Variants in MDC1 observed in about 807,000 individuals in gnomAD.
MDC1 encodes the protein mediator of DNA damage checkpoint 1.
MDC1 carries 81 observed loss-of-function variants against 142.5 expected under a neutral mutation model. That is an observed-to-expected ratio of 0.57 (90% CI 0.47 to 0.68). The LOEUF (loss-of-function observed/expected upper bound fraction) is 0.68. Among genes scored for constraint, MDC1 ranks in the 30% least tolerant of loss-of-function variants. MDC1 has a pLI of 0.00. For synonymous variants in MDC1, 797 were observed against 968.4 expected, an observed-to-expected ratio of 0.82 and a Z score of 3.29; for missense variants, 2,119 against 2,547.9, an observed-to-expected ratio of 0.83 and a Z score of 3.62.
chr6:30,715,155 A>G lies in MDC1; in HGVS notation c.21T>C (p.Ile7=). 6.2e-7 allele frequency: 1 copy of G among 1,614,154 alleles called. No individual in the cohort carries two copies. Among genetic ancestry groups the G allele is most frequent in the Non-Finnish European group, 8.5e-7 (1 of 1,180,006 alleles). MEDTQA[I]DWDVEEEEET... ...CCTCCTCTTCTTCAACATCCCAGTC[A>G]ATAGCCTGGGTGTCCTCCATGATCT... The change falls in exon 2 of 15, where the codon ATT becomes ATC. Residue 7 remains isoleucine (I), a synonymous_variant. Coordinates refer to ENST00000376406, the MANE Select transcript of MDC1 (RefSeq NM_014641.3). The surrounding 1 kb of genome is among the most constrained non-coding windows in gnomAD (Gnocchi z 4.1).
chr6:30,716,326 C>A lies in MDC1; in HGVS notation c.-4+919G>T, dbSNP rs961965690. On this transcript the variant is annotated intron_variant, in intron 1 of 14. Transcript: ENST00000376406. The surrounding 1 kb of genome is among the most constrained non-coding windows in gnomAD (Gnocchi z 4.4). ...GCAACCTCTGCCTCCAGGCTTCAAGCGATTCTCCTGCCTCAGCCTCCCGAG... is the reference window on the plus strand; with the variant it reads ...GCAACCTCTGCCTCCAGGCTTCAAGAGATTCTCCTGCCTCAGCCTCCCGAG... 1.6e-4 allele frequency among the ~76,000 whole-genome samples: 24 copies of A among 151,882 alleles called. No homozygotes were observed. Among genetic ancestry groups the A allele is most frequent in the African/African-American group, 5.3e-4 (22 of 41,310 alleles).
chr6:30,703,535 A>C lies in MDC1; in HGVS notation c.5565T>G (p.Asp1855Glu), dbSNP rs28994874. The C allele has an allele frequency of 0.016, 25,888 of 1,612,940 alleles. 376 individuals carry two copies. Among genetic ancestry groups the C allele is most frequent in the Middle Eastern group, 0.06 (366 of 6,062 alleles). ...TCTTGCCTGGTTTTGGAGTCACGAC[A>C]TCCTGAGATTGAGAAAAATCTTGGT... ...DTAEKPGKEE[D>E]VVTPKPGKRK... Residue 1855 changes from aspartate (D) to glutamate (E), a missense_variant and splice_region_variant, in exon 11 of 15, where the codon GAT becomes GAG. By Grantham distance (45) the Asp-to-Glu change is conservative. Coordinates refer to ENST00000376406, the MANE Select transcript of MDC1 (RefSeq NM_014641.3). The surrounding 1 kb of genome is among the most constrained non-coding windows in gnomAD (Gnocchi z 4.4).
Position 30,707,799 on chromosome 6 carries a change from T to G in MDC1, c.2780A>C (p.Glu927Ala). Residue 927 changes from glutamate to alanine, a missense_variant, in exon 8 of 15, where the codon GAG becomes GCG. Coordinates refer to ENST00000376406, the MANE Select transcript of MDC1 (RefSeq NM_014641.3). ...CTCTTCTAACTCGGCTGGATCGCAC[T>G]CTCTGTTTGCTACTGGTCTCTCTAC... ...REVERPVANR[E>A]CDPAELEEKV... 6.2e-7 allele frequency: 1 copy of G among 1,612,978 alleles called. No homozygotes were observed. Among genetic ancestry groups the G allele is most frequent in the Non-Finnish European group, 8.5e-7 (1 of 1,179,974 alleles).
In MDC1 at chr6:30,703,888, T is replaced by C; in HGVS notation, c.5295A>G (p.Glu1765=). 6.2e-7 allele frequency: 1 copy of C among 1,614,136 alleles called. No homozygotes were observed. Among genetic ancestry groups the C allele is most frequent in the Admixed American group, 1.7e-5 (1 of 60,012 alleles). ...NQRWGAVRAA[E]SLTAIPEPAS... Reference sequence around the variant, plus strand: ...CAGGCTCAGGAATGGCTGTAAGGGATTCAGCTGCTCTCACTGCTCCCCATC... The same window carrying C: ...CAGGCTCAGGAATGGCTGTAAGGGACTCAGCTGCTCTCACTGCTCCCCATC... Residue 1765 remains glutamate, a synonymous_variant, in exon 10 of 15, where the codon GAA becomes GAG. Coordinates refer to ENST00000376406, the MANE Select transcript of MDC1 (RefSeq NM_014641.3). The surrounding 1 kb of genome is among the most constrained non-coding windows in gnomAD (Gnocchi z 4.4).
rs750558764 is a variant in MDC1 at position 30,709,671 on chromosome 6, T to C, written c.2222-1314A>G. On this transcript the variant is annotated intron_variant, in intron 7 of 14. Transcript: ENST00000376406. This position sits in a 1 kb window ranked among gnomAD's most constrained non-coding sequence, Gnocchi z 4.2. ...AACCTCTTTATGCATTCTGTCCCTC[T>C]ACCCTTCCTAGCCTTTGGTAACCAC... Among the ~76,000 whole-genome samples, 1 of 152,214 alleles carries C rather than the reference T, an allele frequency of 6.6e-6. No homozygotes were observed. The highest frequency in any genetic ancestry group is 2.1e-4 in the South Asian group (1 of 4,834).
At position 30,716,979 on chromosome 6, in the gene MDC1, T is replaced by A; in HGVS notation, c.-4+266A>T. On this transcript the variant is annotated intron_variant, in intron 1 of 14. Coordinates refer to ENST00000376406, the MANE Select transcript of MDC1 (RefSeq NM_014641.3). The surrounding 1 kb of genome is among the most constrained non-coding windows in gnomAD (Gnocchi z 4.4). Reference sequence around the variant, plus strand: ...AACTCCGTCTTTATGACAGGCCAACTCAGCGGGTGCCCACCACGCTTGGCT... The same window carrying A: ...AACTCCGTCTTTATGACAGGCCAACACAGCGGGTGCCCACCACGCTTGGCT... The A allele has an allele frequency of 2.2e-6, 2 of 921,882 alleles. No individual in the cohort carries two copies. Among genetic ancestry groups the A allele is most frequent in the Non-Finnish European group, 2.6e-6 (2 of 772,072 alleles). 57.1% of individuals were successfully genotyped at this position (921,882 alleles called of 1,614,324 possible).
At position 30,712,966 on chromosome 6, in the gene MDC1, A is replaced by G. The variant is rs781112985; in HGVS notation, c.976T>C (p.Phe326Leu). The change falls in exon 5 of 15, where the codon TTC (phenylalanine) becomes CTC (leucine). Residue 326 changes from phenylalanine to leucine, a missense_variant. Coordinates refer to ENST00000376406, the MANE Select transcript of MDC1 (RefSeq NM_014641.3). This position sits in a 1 kb window ranked among gnomAD's most constrained non-coding sequence, Gnocchi z 4.7. ...VHLERAQPFG[F>L]IDSDTDAEEE... ...TCCGCATCAGTGTCGCTGTCGATGA[A>G]GCCAAAAGGCTGAGCCCTTTCCAAA... The G allele has an allele frequency of 1.9e-6, 3 of 1,612,978 alleles. No homozygotes were observed. The highest frequency in any genetic ancestry group is 2.2e-5 in the South Asian group (2 of 91,084).
rs776240801 is a variant in MDC1, at chr6:30,704,199, G to A, written c.4984C>T (p.Pro1662Ser). ...PVEPAASDLEPFTPTDQSVTP... is the reference protein window; with the variant it reads ...PVEPAASDLESFTPTDQSVTP... ...ACGGACTGGTCTGTGGGGGTAAAAGGCTCAAGATCAGAGGCTGCTGGTTCA... is the reference window on the plus strand; with the variant it reads ...ACGGACTGGTCTGTGGGGGTAAAAGACTCAAGATCAGAGGCTGCTGGTTCA... Residue 1662 changes from proline (P) to serine (S), a missense_variant, in exon 10 of 15, where the codon CCT (proline) becomes TCT (serine). Pro to Ser is a moderately conservative substitution (Grantham distance 74, BLOSUM62 -1). Coordinates refer to ENST00000376406, the MANE Select transcript of MDC1 (RefSeq NM_014641.3). 1.2e-6 allele frequency: 2 copies of A among 1,613,714 alleles called. No homozygotes were observed. The highest frequency in any genetic ancestry group is 1.7e-6 in the Non-Finnish European group (2 of 1,179,812).
At chr6:30,701,011 C>G (rs1319538686) in intron 14 of MDC1, among the ~76,000 whole-genome samples, 2 of 146,164 alleles carry the variant, frequency 1.4e-5, no homozygotes, top group African/African-American at 5.1e-5. Flanking sequence ...GGAGGCGGAG[C>G]TTGCAGTGAG....
In MDC1 at chr6:30,715,733, A is replaced by T. The variant is rs191860913; in HGVS notation, c.-3-555T>A. Among the ~76,000 whole-genome samples the T allele has an allele frequency of 1.3e-5, 2 of 152,336 alleles. No individual in the cohort carries two copies. Among genetic ancestry groups the T allele is most frequent in the Admixed American group, 6.5e-5 (1 of 15,294 alleles). On this transcript the variant is annotated intron_variant, in intron 1 of 14. Coordinates refer to ENST00000376406, the MANE Select transcript of MDC1 (RefSeq NM_014641.3). This position sits in a 1 kb window ranked among gnomAD's most constrained non-coding sequence, Gnocchi z 4.1. The stretch of plus-strand genomic sequence containing the variant: ...CTGCAAAAAATGATAATAAAAGATG[A>T]CATATATAGAAGCTTCCTATGTGTC...
rs765394975 is a variant in MDC1 at position 30,713,084 on chromosome 6, C to T, written c.858G>A (p.Gly286=). 38 of 1,613,010 alleles carry T rather than the reference C, an allele frequency of 2.4e-5. No homozygotes were observed. Among genetic ancestry groups the T allele is most frequent in the Non-Finnish European group, 3.1e-5 (36 of 1,180,010 alleles). The stretch of plus-strand genomic sequence containing the variant: ...GAGGTTGGCTCCTCTCCAGAATCAC[C>T]CCAGCTGGAACCACCCCATTCCCTG... ...RGAGNGVVPA[G]VILERSQPPG... Residue 286 remains glycine, a synonymous_variant, in exon 5 of 15, where the codon GGG becomes GGA. Coordinates refer to ENST00000376406, the MANE Select transcript of MDC1 (RefSeq NM_014641.3). The surrounding 1 kb of genome is among the most constrained non-coding windows in gnomAD (Gnocchi z 4.9).
In MDC1 at chr6:30,716,936, C is replaced by A. The variant is rs1420529178; in HGVS notation, c.-4+309G>T. On this transcript the variant is annotated intron_variant, in intron 1 of 14. Transcript: ENST00000376406. This position sits in a 1 kb window ranked among gnomAD's most constrained non-coding sequence, Gnocchi z 4.4. ...GTTGACAGGTAGGGAAAGTAGGATG[C>A]CCCATGGATAAAGTGTCAACTCCGT... 6.1e-5 allele frequency: 60 copies of A among 984,346 alleles called. No homozygotes were observed. The highest frequency in any genetic ancestry group is 7.2e-5 in the Non-Finnish European group (60 of 829,124). 61.0% of individuals were successfully genotyped at this position (984,346 alleles called of 1,614,324 possible).
chr6:30,705,006 T>C lies in MDC1; in HGVS notation c.4177A>G (p.Arg1393Gly). The C allele has an allele frequency of 6.2e-7, 1 of 1,608,892 alleles. No individual in the cohort carries two copies. The highest frequency in any genetic ancestry group is 8.5e-7 in the Non-Finnish European group (1 of 1,178,070). ...CCAGAGGATCTATTTTTTCTTCCCCTAGTAGCCCGAGATGTGGGCTCAGGG... is the reference window on the plus strand; with the variant it reads ...CCAGAGGATCTATTTTTTCTTCCCCCAGTAGCCCGAGATGTGGGCTCAGGG... ...VTPEPTSRAT[R>G]GRKNRSSGKT... Residue 1393 changes from arginine to glycine, a missense_variant, in exon 10 of 15, where the codon AGG becomes GGG. Arg to Gly is a moderately radical substitution (Grantham distance 125, BLOSUM62 -2). Transcript: ENST00000376406.
intron 14 of MDC1, among the ~76,000 whole-genome samples, chr6:30,700,902 C>CAAAA (rs9281018): frequency 1.8e-4 from 13 of 70,594 alleles, no homozygotes; most frequent in African/African-American, 6.1e-4. Context: ...ACTAAAAATA[C>CAAAA]AAAAAAAAAA....
intron 7 of MDC1, among the ~76,000 whole-genome samples, chr6:30,708,855 C>CAAAAA (rs59939040): frequency 0.01 from 567 of 55,204 alleles, 6 homozygotes; most frequent in African/African-American, 0.017. Context: ...GACTCTGTCT[C>CAAAAA]AAAAAAAAAA....
intron 7 of MDC1, among the ~76,000 whole-genome samples, chr6:30,710,421 G>A (rs1030184880): frequency 1.3e-5 from 2 of 150,808 alleles, no homozygotes; most frequent in African/African-American, 4.9e-5. Flanking sequence ...TTTTGAGACA[G>A]AGTTTCACTC....
At chr6:30,708,486 A>G in intron 7 of MDC1, 129 bp from the exon 8 acceptor site, 2 of 713,432 alleles carry the variant, frequency 2.8e-6, no homozygotes, top group Non-Finnish European at 4.6e-6. Flanking sequence ...CATGAATAAT[A>G]AATCTGAACA....
Position 30,712,191 on chromosome 6 carries a change from C to A in MDC1, c.1751G>T (p.Gly584Val), listed in dbSNP as rs751093568. ...AACTACTGAGGCTGTTAGGGAGGTG[C>A]CCTCCTCTGCATCTGTTTCACAGTC... ...HGDCETDAEE[G>V]TSLTASVVAD... Residue 584 changes from glycine to valine, a missense_variant, in exon 5 of 15, where the codon GGC (glycine) becomes GTC (valine). Gly to Val is a moderately radical substitution (Grantham distance 109). Transcript: ENST00000376406. The surrounding 1 kb of genome is among the most constrained non-coding windows in gnomAD (Gnocchi z 4.7). 1.2e-6 allele frequency: 2 copies of A among 1,612,748 alleles called. No homozygotes were observed. Among genetic ancestry groups the A allele is most frequent in the East Asian group, 2.2e-5 (1 of 44,888 alleles).
At position 30,712,437 on chromosome 6, in the gene MDC1, T is replaced by C. The variant is rs1313096697; in HGVS notation, c.1505A>G (p.Asp502Gly). ...CAGGTGGATCCCAGGTGAGCTCTTA[T>C]CTGCTTCCACACTGTCATCACTGTC... ...FGDSDDSVEA[D>G]KSSPGIHLER... Residue 502 changes from aspartate (D) to glycine (G), a missense_variant, in exon 5 of 15, where the codon GAT becomes GGT. Asp to Gly is a moderately conservative substitution (Grantham distance 94, BLOSUM62 -1). Coordinates refer to ENST00000376406, the MANE Select transcript of MDC1 (RefSeq NM_014641.3). This position sits in a 1 kb window ranked among gnomAD's most constrained non-coding sequence, Gnocchi z 4.7. The C allele has an allele frequency of 6.2e-7, 1 of 1,613,050 alleles. No homozygotes were observed. Among genetic ancestry groups the C allele is most frequent in the Admixed American group, 1.7e-5 (1 of 60,030 alleles).
Sources: gnomAD v4.1 joint callset for allele counts (sites outside exome capture counted in the v4.1 genomes callset) on GRCh38, gnomAD v4.1.1 for gene constraint, Gnocchi (gnomAD v3.1) non-coding constraint, MANE v1.5 for transcripts, NCBI Gene and HGNC (gene_info 2026-07-23, HGNC 2026-07-21) for gene names.